Variants in COA5 observed in about 807,000 individuals in gnomAD.
COA5 encodes the protein cytochrome c oxidase assembly factor 5.
A neutral mutation model predicts 11.8 loss-of-function variants in COA5; 11 were observed. The observed-to-expected ratio is 0.93, with a 90% CI of 0.59 to 1.54. The LOEUF (loss-of-function observed/expected upper bound fraction) is 1.54. COA5 is among the 40% of genes most tolerant of loss of function. COA5 has a pLI of 0.00. For synonymous variants in COA5, 38 were observed against 37.5 expected, an observed-to-expected ratio of 1.01 and a Z score of -0.05; for missense variants, 87 against 89.2, an observed-to-expected ratio of 0.97 and a Z score of 0.10.
At position 98,603,507 on chromosome 2, in the gene COA5, AC is replaced by A. The variant is rs1207039679; in HGVS notation, c.183+600del. ...ACAAAAAACAAAAAACAAAAAAAAA[AC>A]ATCCTCAAGTCCAAGTGCTTTCTTC... is the stretch of plus-strand genomic sequence containing the variant. On this transcript the variant is annotated intron_variant, in intron 2 of 2. Transcript: ENST00000328709. Among the ~76,000 whole-genome samples, 3 of 152,146 alleles carry A rather than the reference AC, an allele frequency of 2.0e-5. No individual in the cohort carries two copies. In the East Asian group the frequency reaches 5.8e-4, roughly 29 times the overall value.
chr2:98,607,443 T>TA (rs1274923737), intron 1 of COA5, among the ~76,000 whole-genome samples: 1 of 152,224 alleles, frequency 6.6e-6, no homozygotes, highest in Non-Finnish European at 1.5e-5. Context: ...GGCTGACTGC[T>TA]AAAATCAGTG....
rs145660494 is a variant in COA5, at chr2:98,606,659, G to C, written c.99+1648C>G. Among the ~76,000 whole-genome samples the C allele has an allele frequency of 2.6e-5, 4 of 152,324 alleles. No homozygotes were observed. In the East Asian group the frequency reaches 7.7e-4, roughly 29 times the overall value. ...TCAACCGCTGCAGAAAGCCAGCTTGGAATTCTCTGTGCTGCTGCTATTGTC... is the reference window on the plus strand; with the variant it reads ...TCAACCGCTGCAGAAAGCCAGCTTGCAATTCTCTGTGCTGCTGCTATTGTC... On this transcript the variant is annotated intron_variant, in intron 1 of 2. Transcript: ENST00000328709.
At position 98,608,425 on chromosome 2, in the gene COA5, T is replaced by G; in HGVS notation, c.-20A>C. The G allele has an allele frequency of 6.4e-7, 1 of 1,561,486 alleles. No individual in the cohort carries two copies. Among genetic ancestry groups the G allele is most frequent in the Non-Finnish European group, 8.7e-7 (1 of 1,150,884 alleles). On this transcript the variant is annotated 5_prime_UTR_variant, in exon 1 of 3. Transcript: ENST00000328709. The stretch of plus-strand genomic sequence containing the variant: ...AGGCATGACGGCGCTTCCCCTCCGA[T>G]GCGGACGCGACTTTCTCCCACCGCA...
At chr2:98,605,836 G>A (rs538815685) in intron 1 of COA5, 4 of 152,380 alleles carry the variant, frequency 2.6e-5, no homozygotes, top group African/African-American at 9.6e-5. Context: ...CCTATGATGA[G>A]TGAAGTTCCT....
intron 2 of COA5, among the ~76,000 whole-genome samples, chr2:98,601,921 C>T (rs1299056105): frequency 1.3e-5 from 2 of 152,138 alleles, no homozygotes; most frequent in African/African-American, 4.8e-5. Flanking sequence ...TGCCCCCTTC[C>T]CCGTCCGTGG....
intron 1 of COA5, 82 bp downstream of exon 1, chr2:98,608,225 C>G (rs1700738533): frequency 5.6e-6 from 6 of 1,068,956 alleles, no homozygotes; most frequent in Non-Finnish European, 8.4e-6. Context: ...CAACCGCCGC[C>G]GCGGGCGACC....
intron 1 of COA5, among the ~76,000 whole-genome samples, chr2:98,606,847 T>G (rs548624084): frequency 2.0e-5 from 3 of 152,172 alleles, no homozygotes; most frequent in Non-Finnish European, 4.4e-5. Context: ...CCCTCAGGCC[T>G]TCTGTCGCAT....
intron 1 of COA5, among the ~76,000 whole-genome samples, chr2:98,605,094 C>A (rs1208915357): frequency 6.6e-6 from 1 of 152,224 alleles, no homozygotes; most frequent in Non-Finnish European, 1.5e-5. Flanking sequence ...ATATTGTCAA[C>A]TGCCTGGGGT....
intron 2 of COA5, among the ~76,000 whole-genome samples, chr2:98,601,196 G>T (rs1700637196): frequency 6.6e-6 from 1 of 151,992 alleles, no homozygotes; most frequent in Non-Finnish European, 1.5e-5. Flanking sequence ...AGTGAGCCAA[G>T]ATCGCACCAC....
intron 1 of COA5, 168 bp from the exon 2 acceptor site, chr2:98,604,359 GA>G (rs200616122): frequency 2.0e-4 from 115 of 588,614 alleles, no homozygotes; most frequent in South Asian, 2.4e-4. Flanking sequence ...CCTAAAGAAT[GA>G]AAAAAAAATT....
Position 98,600,519 on chromosome 2 carries a change from C to T in COA5, c.*233G>A. On this transcript the variant is annotated 3_prime_UTR_variant, in exon 3 of 3. Transcript: ENST00000328709. ...TCTCAAAACACATTTATTATGCTCC[C>T]AACCCATACCTGTTCAATTAGGTTT... 1.8e-6 allele frequency: 1 copy of T among 550,870 alleles called. No homozygotes were observed. Among genetic ancestry groups the T allele is most frequent in the Non-Finnish European group, 3.3e-6 (1 of 306,446 alleles). 34.1% of individuals were successfully genotyped at this position (550,870 alleles called of 1,614,324 possible). A position where few individuals can be genotyped will look rare whatever the true frequency, so the allele number is the denominator to read the frequency against.
chr2:98,608,285 C>T (rs1700739887), intron 1 of COA5, 22 bp downstream of exon 1: 3 of 1,558,366 alleles, frequency 1.9e-6, no homozygotes, highest in Non-Finnish European at 2.6e-6. Flanking sequence ...TCGTCACCAC[C>T]GGGAGCGCCC....
At chr2:98,603,857 A>G (rs1009083231) in intron 2 of COA5, among the ~76,000 whole-genome samples, 2 of 152,262 alleles carry the variant, frequency 1.3e-5, no homozygotes, top group African/African-American at 4.8e-5. Flanking sequence ...CCGAGACTTC[A>G]TTCTCACACT....
chr2:98,606,995 A>G (rs1438814300), intron 1 of COA5, among the ~76,000 whole-genome samples: 3 of 152,150 alleles, frequency 2.0e-5, no homozygotes, highest in African/African-American at 7.2e-5. Flanking sequence ...AACTTTTAAG[A>G]CTCAGCTCAA....
At position 98,604,193 on chromosome 2, in the gene COA5, T is replaced by A. The variant is rs957506507; in HGVS notation, c.100-2A>T. On this transcript the variant is annotated splice_acceptor_variant, in intron 1 of 2. Coordinates refer to ENST00000328709, the MANE Select transcript of COA5 (RefSeq NM_001008215.3). LOFTEE classifies it high-confidence loss of function. ...ACACTGCCGAGGTGATTTTCCTTCC[T>A]ATGACAGACACATAAAACAATATAA... 7 of 1,609,206 alleles carry A rather than the reference T, an allele frequency of 4.3e-6. No individual in the cohort carries two copies. The highest frequency in any genetic ancestry group is 6.0e-6 in the Non-Finnish European group (7 of 1,175,664).
chr2:98,607,567 A>G (rs879371551), intron 1 of COA5, among the ~76,000 whole-genome samples: 8 of 152,218 alleles, frequency 5.3e-5, no homozygotes, highest in Non-Finnish European at 1.0e-4. Flanking sequence ...ACATCCCCCA[A>G]TGCAAAGACA....
chr2:98,607,389 A>G (rs531894921), intron 1 of COA5, among the ~76,000 whole-genome samples: 23 of 152,346 alleles, frequency 1.5e-4, no homozygotes, highest in African/African-American at 4.8e-4. Flanking sequence ...AATCTCTTAA[A>G]TTTATAATAA....
At chr2:98,606,807 T>TA (rs1335723568) in intron 1 of COA5, among the ~76,000 whole-genome samples, 3 of 152,186 alleles carry the variant, frequency 2.0e-5, no homozygotes, top group Admixed American at 2.0e-4. Context: ...CTGACACACA[T>TA]ACAGGCCTTC....
intron 1 of COA5, among the ~76,000 whole-genome samples, chr2:98,607,263 C>A (rs1213076273): frequency 1.3e-5 from 2 of 152,182 alleles, no homozygotes; most frequent in African/African-American, 4.8e-5. Flanking sequence ...TTACCAGGAG[C>A]TGGCTGAACG....
Sources: gnomAD v4.1 joint callset for allele counts (sites outside exome capture counted in the v4.1 genomes callset) on GRCh38, gnomAD v4.1.1 for gene constraint, MANE v1.5 for transcripts, NCBI Gene and HGNC (gene_info 2026-07-23, HGNC 2026-07-21) for gene names.